The following LRRC9 variants were observed in gnomAD, a reference collection of about 807,000 sequenced individuals.
LRRC9 encodes the protein leucine rich repeat containing 9.
In LRRC9, 122 loss-of-function variants were observed where a neutral mutation model predicts 63.2. The ratio of observed to expected loss-of-function variants is 1.93; its 90% CI spans 1.67 to 2.24. The LOEUF is 2.24. LRRC9 is among the 30% of genes most tolerant of loss of function. LRRC9 has a pLI of 0.00. For synonymous variants in LRRC9, 366 were observed against 213.1 expected, an observed-to-expected ratio of 1.72 and a Z score of -6.25; for missense variants, 1,071 against 627.7, an observed-to-expected ratio of 1.71 and a Z score of -7.55.
chr14:59,961,041 G>A, exon 10 of LRRC9: 1 of 671,400 alleles, frequency 1.5e-6, no homozygotes, highest in Non-Finnish European at 2.7e-6. Flanking sequence ...TCGATCTGAT[G>A]ACTGGTAAAT....
At chr14:60,018,619 T>A (rs140495766) in intron 25 of LRRC9, 140 bp downstream of exon 25, 2 of 499,128 alleles carry the variant, frequency 4.0e-6, no homozygotes, top group Non-Finnish European at 7.1e-6. Flanking sequence ...TGTTTTTTAC[T>A]AAGCAAGAAA....
At chr14:60,047,919 A>T (rs1024088453) in intron 29 of LRRC9, among the ~76,000 whole-genome samples, 1 of 152,238 alleles carries the variant, frequency 6.6e-6, no homozygotes, top group Non-Finnish European at 1.5e-5. Context: ...CAAACGCAAA[A>T]GGACTGAAAT....
At chr14:59,995,044 T>C (rs2140171695) in intron 17 of LRRC9, among the ~76,000 whole-genome samples, 1 of 152,098 alleles carries the variant, frequency 6.6e-6, no homozygotes, top group African/African-American at 2.4e-5. Flanking sequence ...GTTGTTACAG[T>C]GTTCATCATT....
chr14:60,048,355 G>C (rs879018329), intron 29 of LRRC9, among the ~76,000 whole-genome samples: 1 of 152,008 alleles, frequency 6.6e-6, no homozygotes, highest in African/African-American at 2.4e-5. Flanking sequence ...CCAGGACGTG[G>C]TTTTTTGAAA....
At chr14:59,929,539 A>T (rs1273552270) in intron 3 of LRRC9, among the ~76,000 whole-genome samples, 1 of 152,084 alleles carries the variant, frequency 6.6e-6, no homozygotes, top group Non-Finnish European at 1.5e-5. Context: ...AGACCTAAAA[A>T]CAGAAATACC....
intron 29 of LRRC9, among the ~76,000 whole-genome samples, chr14:60,041,490 T>A (rs1892939487): frequency 6.6e-6 from 1 of 152,208 alleles, no homozygotes; most frequent in Admixed American, 6.5e-5. Context: ...ATTTCATTCG[T>A]TTGATGTTCA....
intron 8 of LRRC9, among the ~76,000 whole-genome samples, chr14:59,954,225 A>G (rs1359456178): frequency 2.6e-5 from 4 of 152,184 alleles, no homozygotes; most frequent in Non-Finnish European, 5.9e-5. Context: ...TGATGGGAAT[A>G]GCACTGAATC....
At position 59,930,742 on chromosome 14, in the gene LRRC9, A is replaced by G. The variant is rs112061602; in HGVS notation, c.268-176A>G. The stretch of plus-strand genomic sequence containing the variant: ...AACATGCAAAATTGAAAATAGTTGT[A>G]TTTAAATGGAAAACATGGAATATAT... On this transcript the variant is annotated intron_variant, in intron 3 of 31. Transcript: ENST00000445360. This position sits in a 1 kb window ranked among gnomAD's most constrained non-coding sequence, Gnocchi z 4.9. Among the ~76,000 whole-genome samples, 214 of 151,854 alleles carry G rather than the reference A, an allele frequency of 1.4e-3. 1 individual carries two copies. Among genetic ancestry groups the G allele is most frequent in the African/African-American group, 5.0e-3 (209 of 41,550 alleles).
intron 6 of LRRC9, among the ~76,000 whole-genome samples, chr14:59,934,338 G>A (rs1310135388): frequency 6.6e-6 from 1 of 152,148 alleles, no homozygotes; most frequent in Non-Finnish European, 1.5e-5. Flanking sequence ...GTTTGGTGGG[G>A]GTGAGGGGAA....
intron 10 of LRRC9, among the ~76,000 whole-genome samples, chr14:59,963,459 C>A (rs537157880): frequency 1.3e-5 from 2 of 151,844 alleles, no homozygotes; most frequent in South Asian, 4.2e-4. Context: ...AAGATGCTGT[C>A]CTTGTGCCTG....
At chr14:59,971,712 A>C (rs900678523) in intron 12 of LRRC9, among the ~76,000 whole-genome samples, 1 of 151,984 alleles carries the variant, frequency 6.6e-6, no homozygotes, top group African/African-American at 2.4e-5. Flanking sequence ...AAAGCCTTGG[A>C]ATTATGTTCA....
Position 59,990,297 on chromosome 14 carries a change from T to G in LRRC9, c.2211+5073T>G, listed in dbSNP as rs1887942343. On this transcript the variant is annotated intron_variant, in intron 17 of 31. Transcript: ENST00000445360. The surrounding 1 kb of genome is among the most constrained non-coding windows in gnomAD (Gnocchi z 4.2). The stretch of plus-strand genomic sequence containing the variant: ...TTTTGAGTTTAGCCCCAACAGTTTC[T>G]TCTATGAGAAGGATTCTGTCTTGAA... Among the ~76,000 whole-genome samples the G allele has an allele frequency of 6.6e-6, 1 of 152,236 alleles. No individual in the cohort carries two copies. Among genetic ancestry groups the G allele is most frequent in the South Asian group, 2.1e-4 (1 of 4,830 alleles).
chr14:59,952,768 C>G (rs368799702), intron 8 of LRRC9, among the ~76,000 whole-genome samples: 1 of 152,022 alleles, frequency 6.6e-6, no homozygotes, highest in Non-Finnish European at 1.5e-5. Flanking sequence ...TTTTAAGCCC[C>G]GCATGCATTA....
At chr14:59,995,139 T>C (rs1566857590) in intron 17 of LRRC9, among the ~76,000 whole-genome samples, 1 of 152,078 alleles carries the variant, frequency 6.6e-6, no homozygotes, top group African/African-American at 2.4e-5. Flanking sequence ...TCATAGAAAA[T>C]AAATACATCA....
At chr14:60,048,746 C>T (rs1362643773) in intron 29 of LRRC9, among the ~76,000 whole-genome samples, 1 of 152,140 alleles carries the variant, frequency 6.6e-6, no homozygotes, top group Non-Finnish European at 1.5e-5. Context: ...TGAAATTATT[C>T]CAAAAAATTG....
At chr14:60,011,309 C>T (rs1355900858) in intron 23 of LRRC9, among the ~76,000 whole-genome samples, 1 of 152,146 alleles carries the variant, frequency 6.6e-6, no homozygotes, top group Admixed American at 6.6e-5. Context: ...ATCACAAGAA[C>T]AGCACAGGAA....
intron 29 of LRRC9, among the ~76,000 whole-genome samples, chr14:60,041,598 C>T (rs555381678): frequency 6.6e-6 from 1 of 152,322 alleles, no homozygotes; most frequent in Non-Finnish European, 1.5e-5. Flanking sequence ...TCCATCAGGT[C>T]ATTTAAGGAC....
Position 60,060,937 on chromosome 14 carries a change from G to T in LRRC9, c.4277-2386G>T, listed in dbSNP as rs1442596671. Among the ~76,000 whole-genome samples the T allele has an allele frequency of 6.6e-6, 1 of 152,176 alleles. No homozygotes were observed. The highest frequency in any genetic ancestry group is 1.5e-5 in the Non-Finnish European group (1 of 68,032). ...CAGGACTTCAGTGAAGGAAGTAACTGCAGATGTGTGGAAACAGCAAGAGAA... is the reference window on the plus strand; with the variant it reads ...CAGGACTTCAGTGAAGGAAGTAACTTCAGATGTGTGGAAACAGCAAGAGAA... On this transcript the variant is annotated intron_variant, in intron 31 of 31. Coordinates refer to ENST00000445360, the Ensembl canonical transcript of LRRC9. The surrounding 1 kb of genome is among the most constrained non-coding windows in gnomAD (Gnocchi z 4.0).
intron 17 of LRRC9, among the ~76,000 whole-genome samples, chr14:59,993,726 A>C (rs1251815540): frequency 6.6e-6 from 1 of 152,240 alleles, no homozygotes; most frequent in Non-Finnish European, 1.5e-5. Flanking sequence ...AGGCCATTAC[A>C]GAATGGTAAA....
Sources: gnomAD v4.1 joint callset for allele counts (sites outside exome capture counted in the v4.1 genomes callset) on GRCh38, gnomAD v4.1.1 for gene constraint, Gnocchi (gnomAD v3.1) non-coding constraint, MANE v1.5 for transcripts, NCBI Gene and HGNC (gene_info 2026-07-23, HGNC 2026-07-21) for gene names.